The following PPP4R1 variants were observed in gnomAD, a reference collection of about 807,000 sequenced individuals.
PPP4R1 encodes the protein protein phosphatase 4 regulatory subunit 1, also known as serine/threonine-protein phosphatase 4 regulatory subunit 1.
A neutral mutation model predicts 111.2 loss-of-function variants in PPP4R1; 42 were observed. The ratio of observed to expected loss-of-function variants is 0.38; its 90% confidence interval spans 0.29 to 0.49. The LOEUF (loss-of-function observed/expected upper bound fraction) is 0.49, where lower values mean the gene tolerates loss of function less well. PPP4R1 is among the 20% of genes least tolerant of loss of function. The pLI, the probability that PPP4R1 is intolerant of heterozygous loss-of-function variation, is 0.97. For missense variants in PPP4R1, 1,012 were observed against 1,161.6 expected, an observed-to-expected ratio of 0.87 and a Z score of 1.87; for synonymous variants, 409 against 405.5, an observed-to-expected ratio of 1.01 and a Z score of -0.10.
intron 4 of PPP4R1, among the ~76,000 whole-genome samples, chr18:9,592,558 G>T (rs1434714556): frequency 6.6e-6 from 1 of 151,916 alleles, no homozygotes; most frequent in African/African-American, 2.4e-5. Context: ...CTAGAACCTG[G>T]TATAGAGTAT....
chr18:9,604,612 A>C (rs1214889587), intron 2 of PPP4R1, among the ~76,000 whole-genome samples: 1 of 151,974 alleles, frequency 6.6e-6, no homozygotes, highest in Non-Finnish European at 1.5e-5. Flanking sequence ...TATTACTAAC[A>C]ACACCCAGGA....
intron 11 of PPP4R1, among the ~76,000 whole-genome samples, chr18:9,569,068 T>C (rs1282337139): frequency 6.6e-6 from 1 of 151,002 alleles, no homozygotes; most frequent in Non-Finnish European, 1.5e-5. Context: ...CAGTGGCACA[T>C]GCCTGTAATC....
At chr18:9,571,026 C>T (rs1457493744) in intron 10 of PPP4R1, among the ~76,000 whole-genome samples, 1 of 152,126 alleles carries the variant, frequency 6.6e-6, no homozygotes, top group Admixed American at 6.5e-5. Flanking sequence ...TTCCTACAAT[C>T]ATTTTAAGAT....
At chr18:9,581,394 C>T (rs1185325710) in intron 9 of PPP4R1, among the ~76,000 whole-genome samples, 1 of 152,008 alleles carries the variant, frequency 6.6e-6, no homozygotes, top group Non-Finnish European at 1.5e-5. Context: ...AAAAAAGAAC[C>T]AGATGGAATT....
At chr18:9,612,010 T>G (rs2067589333) in intron 2 of PPP4R1, among the ~76,000 whole-genome samples, 1 of 124,474 alleles carries the variant, frequency 8.0e-6, no homozygotes, top group African/African-American at 3.4e-5. Context: ...TGAAACTCCA[T>G]CTCAAAAAAA....
intron 10 of PPP4R1, among the ~76,000 whole-genome samples, chr18:9,571,859 C>CAGGA (rs1430824803): frequency 6.6e-6 from 1 of 152,130 alleles, no homozygotes; most frequent in Admixed American, 6.5e-5. Context: ...TCCTGGACTA[C>CAGGA]AGGAAATCAT....
chr18:9,591,050 A>G (rs1350086248), intron 4 of PPP4R1, among the ~76,000 whole-genome samples: 1 of 152,108 alleles, frequency 6.6e-6, no homozygotes, highest in Non-Finnish European at 1.5e-5. Context: ...AGACTTAGAC[A>G]TTTCAAAAAA....
At chr18:9,569,371 C>A (rs572579332) in intron 11 of PPP4R1, among the ~76,000 whole-genome samples, 1 of 152,134 alleles carries the variant, frequency 6.6e-6, no homozygotes, top group African/African-American at 2.4e-5. Context: ...CCCCCACGCC[C>A]GAGACAGAGT....
intron 2 of PPP4R1, among the ~76,000 whole-genome samples, chr18:9,608,850 C>A (rs1173856109): frequency 2.0e-5 from 3 of 152,122 alleles, no homozygotes; most frequent in African/African-American, 7.2e-5. Flanking sequence ...GAGAAAAGGA[C>A]CAGAAATAAT....
chr18:9,585,957 C>A (rs1482724870), intron 6 of PPP4R1, among the ~76,000 whole-genome samples: 1 of 152,060 alleles, frequency 6.6e-6, no homozygotes, highest in East Asian at 1.9e-4. Context: ...AACACTATCC[C>A]CATGAAAATC....
intron 11 of PPP4R1, among the ~76,000 whole-genome samples, chr18:9,564,248 T>A (rs2066724401): frequency 6.6e-6 from 1 of 152,154 alleles, no homozygotes; most frequent in Non-Finnish European, 1.5e-5. Flanking sequence ...CCCAAATAAA[T>A]CAGAAATTTA....
At chr18:9,561,238 A>T (rs1225188006) in intron 13 of PPP4R1, among the ~76,000 whole-genome samples, 17 of 148,574 alleles carry the variant, frequency 1.1e-4, no homozygotes, top group Non-Finnish European at 2.2e-4. Context: ...TAATAATAAT[A>T]ATAATAATAA....
intron 10 of PPP4R1, 76 bp downstream of exon 10, chr18:9,576,988 T>G: frequency 1.6e-6 from 2 of 1,271,118 alleles, no homozygotes; most frequent in South Asian, 1.5e-5. Context: ...TGTTGCAGAA[T>G]AGTGGAAATA....
chr18:9,596,360 A>G (rs745830026), intron 2 of PPP4R1, among the ~76,000 whole-genome samples: 7 of 152,184 alleles, frequency 4.6e-5, no homozygotes, highest in Non-Finnish European at 8.8e-5. Flanking sequence ...ATTTCCTGGC[A>G]CTTCCTATTC....
At position 9,571,116 on chromosome 18, in the gene PPP4R1, G is replaced by A. The variant is rs111793088; in HGVS notation, c.1047-433C>T. ...CTCCAACGACATATTGCAAAGCTGA[G>A]ACCTAAAGCCTATTTGCTTACATTA... On this transcript the variant is annotated intron_variant, in intron 10 of 19. Transcript: ENST00000400556. 1.8e-3 allele frequency among the ~76,000 whole-genome samples: 278 copies of A among 152,180 alleles called. 1 individual carries two copies. The highest frequency in any genetic ancestry group is 6.3e-3 in the African/African-American group (261 of 41,514).
intron 9 of PPP4R1, among the ~76,000 whole-genome samples, chr18:9,582,082 T>C (rs62088863): frequency 0.056 from 8,444 of 152,088 alleles, 304 homozygotes; most frequent in Middle Eastern, 0.092. Context: ...CCCCAGATGA[T>C]AATTCAAAGA....
At chr18:9,615,658 C>T (rs1439558780), upstream of PPP4R1, among the ~76,000 whole-genome samples, 2 of 152,174 alleles carry the variant, frequency 1.3e-5, no homozygotes, top group Non-Finnish European at 2.9e-5. Context: ...CCCAAGGCCT[C>T]CAAAATGGTG....
chr18:9,557,753 C>G (rs747958450), intron 14 of PPP4R1, among the ~76,000 whole-genome samples: 3 of 152,134 alleles, frequency 2.0e-5, no homozygotes, highest in Non-Finnish European at 4.4e-5. Flanking sequence ...CTAGAACATG[C>G]CGACGTACTG....
At chr18:9,556,017 C>T (rs1013285949) in intron 15 of PPP4R1, among the ~76,000 whole-genome samples, 2 of 142,908 alleles carry the variant, frequency 1.4e-5, no homozygotes, top group East Asian at 2.1e-4. Context: ...CAAAATCGGC[C>T]GGGCTTAGTG....
Sources: allele counts gnomAD v4.1 joint callset (sites outside exome capture counted in the v4.1 genomes callset), GRCh38; gene constraint gnomAD v4.1.1; transcripts MANE v1.5; gene names NCBI Gene and HGNC (gene_info 2026-07-23, HGNC 2026-07-21).